The following BATF variants were observed in gnomAD, a reference collection of about 807,000 sequenced individuals.
BATF encodes basic leucine zipper transcriptional factor ATF-like.
BATF carries 5 observed loss-of-function variants against 13.7 expected under a neutral mutation model. That is an observed-to-expected ratio of 0.36 (90% CI 0.19 to 0.77). The LOEUF is 0.77. Ranked by LOEUF, BATF falls within the 30% of genes least tolerant of loss-of-function variation. The pLI, the probability that BATF is intolerant of heterozygous loss-of-function variation, is 0.51. For missense variants in BATF, 124 were observed against 163.0 expected (o/e 0.76, Z 1.30); for synonymous variants, 72 against 67.5 (o/e 1.07, Z -0.33).
intron 2 of BATF, among the ~76,000 whole-genome samples, chr14:75,532,836 C>T (rs1224136937): frequency 6.6e-6 from 1 of 152,158 alleles, no homozygotes; most frequent in African/African-American, 2.4e-5. Flanking sequence ...GAGTATAACC[C>T]TTTCACGTAA....
chr14:75,544,893 T>C (rs572495898), intron 2 of BATF, among the ~76,000 whole-genome samples: 1 of 150,056 alleles, frequency 6.7e-6, no homozygotes, highest in African/African-American at 2.4e-5. Flanking sequence ...AGTCGAATAA[T>C]GTAAACCTTA....
At chr14:75,536,947 A>AT (rs59587699) in intron 2 of BATF, among the ~76,000 whole-genome samples, 4,346 of 149,338 alleles carry the variant, frequency 0.029, 262 homozygotes, top group East Asian at 0.28. Context: ...CAATATTGTC[A>AT]TTTTTTTTTT....
At chr14:75,540,406 G>A (rs1887879809) in intron 2 of BATF, among the ~76,000 whole-genome samples, 1 of 152,216 alleles carries the variant, frequency 6.6e-6, no homozygotes, top group Non-Finnish European at 1.5e-5. Context: ...CATGGTAGAG[G>A]TAGGTGGCAT....
At chr14:75,535,479 G>A (rs997751284) in intron 2 of BATF, among the ~76,000 whole-genome samples, 14 of 152,052 alleles carry the variant, frequency 9.2e-5, no homozygotes, top group Non-Finnish European at 1.8e-4. Context: ...GATCATGGGC[G>A]TTTTTAACTT....
At chr14:75,527,785 T>A (rs1887675019) in intron 2 of BATF, among the ~76,000 whole-genome samples, 1 of 152,218 alleles carries the variant, frequency 6.6e-6, no homozygotes, top group Admixed American at 6.5e-5. Flanking sequence ...CTTCCCCACA[T>A]CTGAACACAG....
At chr14:75,539,793 C>A (rs549611253) in intron 2 of BATF, among the ~76,000 whole-genome samples, 118 of 152,242 alleles carry the variant, frequency 7.8e-4, no homozygotes, top group African/African-American at 2.6e-3. Context: ...AGGTGAGAGG[C>A]AGCAGTTGGG....
In BATF at chr14:75,522,641, A is replaced by C. The variant is rs1725516996; in HGVS notation, c.-42A>C. 1 of 1,610,824 alleles carries C rather than the reference A, an allele frequency of 6.2e-7. No homozygotes were observed. The highest frequency in any genetic ancestry group is 8.5e-7 in the Non-Finnish European group (1 of 1,177,052). On this transcript the variant is annotated 5_prime_UTR_variant, in exon 1 of 3. Coordinates refer to ENST00000286639, the MANE Select transcript of BATF (RefSeq NM_006399.5). ...CCCAGCTGGTGACAAGAGAGCCCAG[A>C]GGTGCCTGGGGCTGAGTGTGAGAGC...
chr14:75,546,473 C>T lies in BATF; in HGVS notation c.180C>T (p.Asp60=). The T allele has an allele frequency of 6.2e-7, 1 of 1,614,156 alleles. No individual in the cohort carries two copies. The highest frequency in any genetic ancestry group is 1.1e-5 in the South Asian group (1 of 91,074). ...CCCCACCCCTACAGGAGAGCGAAGA[C>T]CTGGAGAAACAGAACGCGGCTCTAC... ...KADTLHLESE[D]LEKQNAALRK... is the part of the protein sequence containing the mutation. Residue 60 remains aspartate (D), a synonymous_variant, in exon 3 of 3, where the codon GAC becomes GAT. Transcript: ENST00000286639.
intron 2 of BATF, among the ~76,000 whole-genome samples, chr14:75,544,817 A>G (rs1361298266): frequency 1.3e-5 from 1 of 77,602 alleles, no homozygotes; most frequent in African/African-American, 4.5e-5. Context: ...TTTTTTTTGC[A>G]TCTCCAATGA....
chr14:75,536,523 C>T (rs574678866), intron 2 of BATF, among the ~76,000 whole-genome samples: 45 of 151,864 alleles, frequency 3.0e-4, no homozygotes, highest in Admixed American at 7.2e-4. Flanking sequence ...GCCAGGAGTT[C>T]GAGACCAGCC....
At chr14:75,536,568 A>G (rs1887819369) in intron 2 of BATF, among the ~76,000 whole-genome samples, 1 of 151,962 alleles carries the variant, frequency 6.6e-6, no homozygotes, top group Non-Finnish European at 1.5e-5. Flanking sequence ...TCTACAAAAA[A>G]AAATTTTTTT....
At chr14:75,529,196 A>T (rs1887697046) in intron 2 of BATF, among the ~76,000 whole-genome samples, 1 of 152,262 alleles carries the variant, frequency 6.6e-6, no homozygotes. Flanking sequence ...ACTGACCAAC[A>T]TATTAAAGTG....
At position 75,546,667 on chromosome 14, in the gene BATF, C is replaced by A. The variant is rs1340130119; in HGVS notation, c.374C>A (p.Pro125His). 1.3e-6 allele frequency: 2 copies of A among 1,593,298 alleles called. No individual in the cohort carries two copies. Among genetic ancestry groups the A allele is most frequent in the East Asian group, 2.3e-5 (1 of 43,794 alleles). ...QPHVSSPRFQ[P>H] ...CATGTCAGCTCCCCGCGCTTCCAGC[C>A]CTGAGCTTCCGATGCGGGGAGAGCA... is the stretch of plus-strand genomic sequence containing the variant. Residue 125 changes from proline to histidine, a missense_variant, in exon 3 of 3, where the codon CCC becomes CAC. By Grantham distance (77) the Pro-to-His change is moderately conservative. Around this residue, in one of 2 missense-constraint regions of BATF, gnomAD observed 59 missense variants for 49.7 expected, o/e 1.19. Coordinates refer to ENST00000286639, the MANE Select transcript of BATF (RefSeq NM_006399.5).
Position 75,522,885 on chromosome 14 carries a change from T to A in BATF, c.63+140T>A, listed in dbSNP as rs149221817. On this transcript the variant is annotated intron_variant, in intron 1 of 2. Transcript: ENST00000286639. The stretch of plus-strand genomic sequence containing the variant: ...CGGGCACTCTGTTAGACTTAGGACA[T>A]GGAATTTGCTACTAAGCTGTGCATA... 1,735 of 961,718 alleles carry A rather than the reference T, an allele frequency of 1.8e-3. 13 individuals carry two copies. The highest frequency in any genetic ancestry group is 0.015 in the African/African-American group (919 of 61,536). The allele number at this position is 961,718 out of a possible 1,614,324, so 59.6% of individuals were successfully genotyped here. A position where few individuals can be genotyped will look rare whatever the true frequency, so the allele number is the denominator to read the frequency against.
At chr14:75,536,627 G>A (rs1489162950) in intron 2 of BATF, among the ~76,000 whole-genome samples, 1 of 151,920 alleles carries the variant, frequency 6.6e-6, no homozygotes, top group African/African-American at 2.4e-5. Flanking sequence ...GGAGGCTGAG[G>A]CGGGAGATTT....
At chr14:75,538,903 A>C (rs1424561046) in intron 2 of BATF, among the ~76,000 whole-genome samples, 1 of 152,228 alleles carries the variant, frequency 6.6e-6, no homozygotes, top group East Asian at 1.9e-4. Context: ...ACGGTCTCAA[A>C]AAACAAACAA....
chr14:75,536,153 A>T (rs1468489121), intron 2 of BATF, among the ~76,000 whole-genome samples: 2 of 152,206 alleles, frequency 1.3e-5, no homozygotes, highest in Non-Finnish European at 2.9e-5. Context: ...CACTAATCAC[A>T]TGACATGTAA....
At chr14:75,526,519 G>A (rs1566765886) in intron 2 of BATF, among the ~76,000 whole-genome samples, 1 of 152,192 alleles carries the variant, frequency 6.6e-6, no homozygotes, top group Non-Finnish European at 1.5e-5. Context: ...AGTTTTAGGG[G>A]AAATAATGCA....
At chr14:75,536,704 C>T (rs890261921) in intron 2 of BATF, among the ~76,000 whole-genome samples, 2 of 76,892 alleles carry the variant, frequency 2.6e-5, no homozygotes, top group Admixed American at 1.4e-4. Flanking sequence ...GCCTGGGCAA[C>T]AGGGCAAGAT....
Sources: gnomAD v4.1 joint callset for allele counts (sites outside exome capture counted in the v4.1 genomes callset) on GRCh38, gnomAD v4.1.1 for gene constraint, gnomAD v4.1.1 regional missense constraint, MANE v1.5 for transcripts, NCBI Gene and HGNC (gene_info 2026-07-23, HGNC 2026-07-21) for gene names.